The following KCNQ5 variants were observed in gnomAD, a reference collection of about 807,000 sequenced individuals.
The protein encoded by KCNQ5 is potassium voltage-gated channel subfamily KQT member 5.
Under a neutral mutation model 98.2 loss-of-function variants are expected in KCNQ5, and 30 were observed. That is an observed-to-expected ratio of 0.31 (90% CI 0.23 to 0.41). KCNQ5 has a LOEUF of 0.41. KCNQ5 is among the 10% of genes least tolerant of loss of function. The pLI is 1.00. For synonymous variants in KCNQ5, 458 were observed against 449.4 expected, an observed-to-expected ratio of 1.02 and a Z score of -0.24; for missense variants, 835 against 1,182.5, an observed-to-expected ratio of 0.71 and a Z score of 4.31.
intron 1 of KCNQ5, among the ~76,000 whole-genome samples, chr6:72,648,924 C>T (rs966465399): frequency 3.3e-5 from 5 of 152,068 alleles, no homozygotes; most frequent in Non-Finnish European, 7.4e-5. Flanking sequence ...TTCAGTTAAT[C>T]TACCAAACTG....
chr6:73,005,951 G>C (rs1027471620), intron 2 of KCNQ5, among the ~76,000 whole-genome samples: 6 of 152,186 alleles, frequency 3.9e-5, no homozygotes, highest in Admixed American at 1.3e-4. Flanking sequence ...AAGATTCACA[G>C]ATGAAATTCT....
intron 2 of KCNQ5, among the ~76,000 whole-genome samples, chr6:73,007,138 G>C (rs1040302425): frequency 6.6e-6 from 1 of 152,168 alleles, no homozygotes; most frequent in South Asian, 2.1e-4. Context: ...CAACGCTCTT[G>C]TAAACTTGTA....
At chr6:73,164,584 GT>G (rs1202282298) in intron 10 of KCNQ5, among the ~76,000 whole-genome samples, 1 of 152,198 alleles carries the variant, frequency 6.6e-6, no homozygotes, top group Non-Finnish European at 1.5e-5. Flanking sequence ...GGGAGGTAAT[GT>G]CTTGTAATCA....
At chr6:73,156,576 G>A (rs563439510) in intron 10 of KCNQ5, among the ~76,000 whole-genome samples, 1 of 150,882 alleles carries the variant, frequency 6.6e-6, no homozygotes, top group Non-Finnish European at 1.5e-5. Context: ...CGTGAGCCGA[G>A]ATCACACCAT....
At chr6:72,706,866 A>G (rs763243273) in intron 1 of KCNQ5, among the ~76,000 whole-genome samples, 4 of 152,210 alleles carry the variant, frequency 2.6e-5, no homozygotes, top group Non-Finnish European at 5.9e-5. Flanking sequence ...TCAAAAGAAC[A>G]ATACTTAGAA....
At chr6:72,949,358 A>G (rs1241280614) in intron 1 of KCNQ5, among the ~76,000 whole-genome samples, 1 of 152,228 alleles carries the variant, frequency 6.6e-6, no homozygotes, top group African/African-American at 2.4e-5. Flanking sequence ...AAGTGGAGCA[A>G]GATCCTTAGA....
intron 1 of KCNQ5, among the ~76,000 whole-genome samples, chr6:72,953,672 T>C (rs1766909663): frequency 6.6e-6 from 1 of 152,102 alleles, no homozygotes; most frequent in Admixed American, 6.5e-5. Flanking sequence ...TTGCACCAAC[T>C]TCAAGAAACA....
In KCNQ5 at chr6:72,701,497, T is replaced by C. The variant is rs374045419; in HGVS notation, c.398+78910T>C. ...TAAATAGATAGTATTACAAATTCTA[T>C]AGCTAAGAGTTATTTTGTAATCCAT... On this transcript the variant is annotated intron_variant, in intron 1 of 13. Transcript: ENST00000370398. Among the ~76,000 whole-genome samples the C allele has an allele frequency of 3.3e-4, 51 of 152,338 alleles. No homozygotes were observed. The South Asian group carries it at 7.5e-3, about 22-fold the overall frequency.
chr6:73,187,294 C>T (rs924712677), intron 11 of KCNQ5, among the ~76,000 whole-genome samples: 2 of 152,024 alleles, frequency 1.3e-5, no homozygotes, highest in East Asian at 1.9e-4. Flanking sequence ...TTCCTGACCT[C>T]GTGATCCACC....
chr6:72,698,645 C>T (rs11967368), intron 1 of KCNQ5, among the ~76,000 whole-genome samples: 138 of 104,764 alleles, frequency 1.3e-3, no homozygotes, highest in African/African-American at 6.2e-3. Flanking sequence ...TTTTCTTCTT[C>T]TTCTTTTTTT....
At chr6:72,647,074 C>T (rs1275127024) in intron 1 of KCNQ5, among the ~76,000 whole-genome samples, 5 of 152,120 alleles carry the variant, frequency 3.3e-5, no homozygotes, top group Non-Finnish European at 7.4e-5. Context: ...ATTGAAACAC[C>T]ATTATGCATA....
At chr6:72,642,694 G>A (rs1205359206) in intron 1 of KCNQ5, among the ~76,000 whole-genome samples, 2 of 152,134 alleles carry the variant, frequency 1.3e-5, no homozygotes, top group Admixed American at 6.6e-5. Flanking sequence ...GTGGAAAGCA[G>A]TATGATGATT....
intron 1 of KCNQ5, among the ~76,000 whole-genome samples, chr6:72,800,570 A>C (rs1774591129): frequency 6.6e-6 from 1 of 152,164 alleles, no homozygotes; most frequent in African/African-American, 2.4e-5. Context: ...TCCTTTCAAA[A>C]AACCAGCTCC....
intron 1 of KCNQ5, among the ~76,000 whole-genome samples, chr6:72,821,840 C>T (rs985336061): frequency 1.1e-4 from 17 of 151,938 alleles, no homozygotes; most frequent in Admixed American, 5.2e-4. Flanking sequence ...CCAAAGCTGC[C>T]CTCAGAGAAC....
At chr6:72,822,121 A>C (rs764167472) in intron 1 of KCNQ5, among the ~76,000 whole-genome samples, 3 of 152,160 alleles carry the variant, frequency 2.0e-5, no homozygotes, top group Admixed American at 6.6e-5. Context: ...TCTCTGGCAT[A>C]TAACAGGAGG....
At chr6:73,176,684 T>G (rs531775720) in intron 11 of KCNQ5, among the ~76,000 whole-genome samples, 7 of 152,132 alleles carry the variant, frequency 4.6e-5, no homozygotes, top group Non-Finnish European at 8.8e-5. Context: ...ATTTGGATAT[T>G]TACTGATTGG....
intron 1 of KCNQ5, among the ~76,000 whole-genome samples, chr6:72,969,297 CT>C (rs1354246365): frequency 1.3e-5 from 2 of 152,112 alleles, no homozygotes; most frequent in African/African-American, 4.8e-5. Flanking sequence ...TATGCATGAA[CT>C]TTGTGTTGGG....
intron 1 of KCNQ5, among the ~76,000 whole-genome samples, chr6:72,959,021 T>A (rs1352282081): frequency 6.6e-6 from 1 of 152,198 alleles, no homozygotes; most frequent in Non-Finnish European, 1.5e-5. Context: ...CTGAATTATA[T>A]CTCAACACTT....
At chr6:72,937,571 A>G (rs1046104650) in intron 1 of KCNQ5, among the ~76,000 whole-genome samples, 1 of 152,216 alleles carries the variant, frequency 6.6e-6, no homozygotes, top group African/African-American at 2.4e-5. Context: ...ATTCTTTCCT[A>G]TATCAGTTTG....
Sources: allele counts gnomAD v4.1 joint callset (sites outside exome capture counted in the v4.1 genomes callset), GRCh38; gene constraint gnomAD v4.1.1; transcripts MANE v1.5; gene names NCBI Gene and HGNC (gene_info 2026-07-23, HGNC 2026-07-21).